Variants in C16orf74 observed in about 807,000 individuals in gnomAD.
The protein encoded by C16orf74 is calcimembrin, also known as uncharacterized protein C16orf74.
C16orf74 carries 10 observed loss-of-function variants against 6.5 expected under a neutral mutation model. The observed-to-expected ratio is 1.54, with a 90% CI of 0.95 to 2.61. The LOEUF (loss-of-function observed/expected upper bound fraction) is 2.61, where lower values mean the gene tolerates loss of function less well. C16orf74 is among the 30% of genes most tolerant of loss of function. The pLI, the probability that C16orf74 is intolerant of heterozygous loss-of-function variation, is 0.00. For missense variants in C16orf74, 141 were observed against 105.9 expected, an observed-to-expected ratio of 1.33 and a Z score of -1.45; for synonymous variants, 60 against 42.5, an observed-to-expected ratio of 1.41 and a Z score of -1.60.
At chr16:85,727,392 G>A (rs546196442) in intron 2 of C16orf74, among the ~76,000 whole-genome samples, 25 of 152,332 alleles carry the variant, frequency 1.6e-4, no homozygotes, top group South Asian at 1.0e-3. Flanking sequence ...CCACAAAAAC[G>A]AGGAGTGTCT....
At chr16:85,728,527 C>T (rs1043834108) in intron 2 of C16orf74, among the ~76,000 whole-genome samples, 9 of 152,092 alleles carry the variant, frequency 5.9e-5, no homozygotes, top group East Asian at 1.9e-4. Context: ...ACGCCCACCC[C>T]GCCCCCACAG....
intron 2 of C16orf74, among the ~76,000 whole-genome samples, chr16:85,718,554 T>A (rs1323197213): frequency 6.6e-6 from 1 of 152,156 alleles, no homozygotes; most frequent in African/African-American, 2.4e-5. Context: ...TGGCTCCCCC[T>A]CTTTGGGCCT....
At chr16:85,739,579 G>C (rs570815497) in intron 1 of C16orf74, among the ~76,000 whole-genome samples, 2 of 152,216 alleles carry the variant, frequency 1.3e-5, no homozygotes, top group African/African-American at 2.4e-5. Context: ...ACATACTGGT[G>C]TGTTTGTTTG....
chr16:85,725,821 C>T (rs2054127466), intron 2 of C16orf74, among the ~76,000 whole-genome samples: 1 of 152,164 alleles, frequency 6.6e-6, no homozygotes, highest in Non-Finnish European at 1.5e-5. Context: ...CCAGACTGGT[C>T]TCAAACTCCT....
intron 2 of C16orf74, among the ~76,000 whole-genome samples, chr16:85,714,611 C>T (rs842968): frequency 0.28 from 41,439 of 150,530 alleles, 6,211 homozygotes; most frequent in Middle Eastern, 0.39. Flanking sequence ...GTAGAGACGG[C>T]GTTTCACCAT....
chr16:85,734,896 C>T (rs2054227293), intron 2 of C16orf74, among the ~76,000 whole-genome samples: 1 of 152,184 alleles, frequency 6.6e-6, no homozygotes, highest in African/African-American at 2.4e-5. Flanking sequence ...TTCGCAAAGG[C>T]CTCCTCCTCC....
intron 1 of C16orf74, among the ~76,000 whole-genome samples, chr16:85,739,110 G>A (rs1488701959): frequency 6.6e-6 from 1 of 152,130 alleles, no homozygotes; most frequent in Non-Finnish European, 1.5e-5. Flanking sequence ...TGCCCATGCT[G>A]GCTCTCCTGC....
At position 85,721,629 on chromosome 16, in the gene C16orf74, C is replaced by T. The variant is rs1482011898; in HGVS notation, c.29-11322G>A. Among the ~76,000 whole-genome samples the T allele has an allele frequency of 3.3e-5, 5 of 152,328 alleles. No individual in the cohort carries two copies. In the East Asian group the frequency reaches 9.6e-4, roughly 29 times the overall value. ...TATGTTATTTTCCTCCTCAATCTGG[C>T]AGCTCTACATGGGGCTGTCGGGGGA... On this transcript the variant is annotated intron_variant, in intron 2 of 3. Transcript: ENST00000284245.
intron 2 of C16orf74, among the ~76,000 whole-genome samples, chr16:85,712,670 T>G (rs1003878451): frequency 1.3e-5 from 2 of 152,192 alleles, no homozygotes; most frequent in African/African-American, 2.4e-5. Context: ...CTGAAAGCAG[T>G]AGGCACACTG....
chr16:85,716,361 G>A (rs2054023540), intron 2 of C16orf74, among the ~76,000 whole-genome samples: 1 of 144,636 alleles, frequency 6.9e-6, no homozygotes, highest in Admixed American at 6.8e-5. Flanking sequence ...GGAAGAGGAG[G>A]AAGGGAGGGA....
chr16:85,743,041 G>A (rs2054327637), intron 1 of C16orf74, among the ~76,000 whole-genome samples: 1 of 152,156 alleles, frequency 6.6e-6, no homozygotes. Context: ...CCACTACGTG[G>A]CCCCAATTCC....
chr16:85,732,164 G>A (rs962963183), intron 2 of C16orf74, among the ~76,000 whole-genome samples: 7 of 152,224 alleles, frequency 4.6e-5, no homozygotes, highest in South Asian at 4.1e-4. Flanking sequence ...GGTGCCACCA[G>A]GAGCTTGGCA....
chr16:85,721,944 CAGTT>C (rs1303873406), intron 2 of C16orf74, among the ~76,000 whole-genome samples: 2 of 149,750 alleles, frequency 1.3e-5, no homozygotes, highest in Non-Finnish European at 1.5e-5. Context: ...TTGCTACACA[CAGTT>C]AGCCTTCTCA....
chr16:85,724,708 C>T (rs896258991), intron 2 of C16orf74, among the ~76,000 whole-genome samples: 21 of 152,238 alleles, frequency 1.4e-4, no homozygotes, highest in African/African-American at 4.6e-4. Context: ...GCAGCCACCC[C>T]GGCCGGCGGG....
intron 2 of C16orf74, among the ~76,000 whole-genome samples, chr16:85,722,585 G>C (rs2054093665): frequency 6.6e-6 from 1 of 152,248 alleles, no homozygotes; most frequent in African/African-American, 2.4e-5. Context: ...CTCCCGCTGA[G>C]TGGGCCCAGG....
At chr16:85,743,533 T>G (rs546832713) in intron 1 of C16orf74, 1 of 152,276 alleles carries the variant, frequency 6.6e-6, no homozygotes, top group Non-Finnish European at 1.5e-5. Flanking sequence ...CAAGCCCACA[T>G]CACTGCACTG....
At chr16:85,738,418 A>C (rs1245711652) in intron 1 of C16orf74, among the ~76,000 whole-genome samples, 1 of 146,210 alleles carries the variant, frequency 6.8e-6, no homozygotes, top group Non-Finnish European at 1.5e-5. Context: ...TCCACTTCCC[A>C]GGTTCAAGTG....
intron 2 of C16orf74, among the ~76,000 whole-genome samples, chr16:85,723,845 A>G (rs1382266422): frequency 6.6e-6 from 1 of 152,210 alleles, no homozygotes; most frequent in Non-Finnish European, 1.5e-5. Context: ...GCACAAGAGC[A>G]GGCTGCCCCT....
intron 1 of C16orf74, among the ~76,000 whole-genome samples, chr16:85,739,431 G>T (rs947126864): frequency 6.6e-6 from 1 of 152,208 alleles, no homozygotes; most frequent in African/African-American, 2.4e-5. Context: ...AGTTCTCACA[G>T]AAAGAATGAT....
Sources: allele counts gnomAD v4.1 joint callset (sites outside exome capture counted in the v4.1 genomes callset), GRCh38; gene constraint gnomAD v4.1.1; transcripts MANE v1.5; gene names NCBI Gene and HGNC (gene_info 2026-07-23, HGNC 2026-07-21).